Variants in HIVEP1 observed in about 807,000 individuals in gnomAD.
HIVEP1 encodes HIVEP zinc finger 1, also known as zinc finger protein 40.
A neutral mutation model predicts 180.0 loss-of-function variants in HIVEP1; 36 were observed. The ratio of observed to expected loss-of-function variants is 0.20; its 90% CI spans 0.15 to 0.26. The LOEUF is 0.26. HIVEP1 is among the 10% of genes least tolerant of loss of function. The probability of loss-of-function intolerance (pLI) is 1.00; values close to 1 mark genes in which losing one functional copy is unlikely to be tolerated. For synonymous variants in HIVEP1, 1,239 were observed against 1,239.0 expected (o/e 1.00, Z 0.00); for missense variants, 3,143 against 3,268.7 (o/e 0.96, Z 0.94).
In HIVEP1 at chr6:12,119,991, C is replaced by T. The variant is rs781420237; in HGVS notation, c.196C>T (p.Pro66Ser). The part of the protein sequence containing the change: ...ENHLKKIPKS[P>S]LRNPLQAKHK... ...TCACCTGAAAAAAATACCAAAATCC[C>T]CACTGAGAAATCCTCTTCAGGCAAA... The change falls in exon 4 of 9, where the codon CCA (proline) becomes TCA (serine). Residue 66 changes from proline to serine, a missense_variant. Pro to Ser is a moderately conservative substitution (Grantham distance 74, BLOSUM62 -1). This residue lies in a region of HIVEP1 where 114 missense variants were observed against 134.5 expected (regional missense o/e 0.85). Coordinates refer to ENST00000379388, the MANE Select transcript of HIVEP1 (RefSeq NM_002114.4). 6.2e-7 allele frequency: 1 copy of T among 1,612,782 alleles called. No individual in the cohort carries two copies. Among genetic ancestry groups the T allele is most frequent in the South Asian group, 1.1e-5 (1 of 90,700 alleles).
At chr6:12,125,968 T>G in intron 4 of HIVEP1, 98 bp downstream of exon 4, 1 of 716,470 alleles carries the variant, frequency 1.4e-6, no homozygotes, top group South Asian at 1.8e-5. Flanking sequence ...TATTTTAATT[T>G]TGAGTGACAA....
chr6:12,168,290 C>CATATATACATATATACAG (rs1443431794), downstream of HIVEP1, among the ~76,000 whole-genome samples: 8 of 68,766 alleles, frequency 1.2e-4, no homozygotes, highest in African/African-American at 3.3e-4. Flanking sequence ...ATATTATATA[C>CATATATACATATATACAG]ATATATACAT....
chr6:12,102,855 G>T (rs1490215253), intron 3 of HIVEP1, among the ~76,000 whole-genome samples: 1 of 152,006 alleles, frequency 6.6e-6, no homozygotes. Flanking sequence ...ACCCAGTGTT[G>T]TTATGTTGTC....
intron 2 of HIVEP1, among the ~76,000 whole-genome samples, chr6:12,042,554 TTCTC>T (rs1769844253): frequency 6.6e-6 from 1 of 151,588 alleles, no homozygotes; most frequent in African/African-American, 2.4e-5. Flanking sequence ...TTTACAGTGA[TTCTC>T]TCAATCTATA....
chr6:12,044,537 A>AC (rs1769991490), intron 2 of HIVEP1, among the ~76,000 whole-genome samples: 1 of 150,322 alleles, frequency 6.7e-6, no homozygotes, highest in African/African-American at 2.5e-5. Context: ...AAGCCAGTGC[A>AC]CCTGTGTACA....
intron 2 of HIVEP1, among the ~76,000 whole-genome samples, chr6:12,087,169 G>T (rs1295115191): frequency 6.6e-6 from 1 of 152,102 alleles, no homozygotes; most frequent in African/African-American, 2.4e-5. Context: ...AGATAAAAAG[G>T]TAACTTAGTT....
chr6:12,086,059 A>G (rs1265473089), intron 2 of HIVEP1, among the ~76,000 whole-genome samples: 1 of 152,148 alleles, frequency 6.6e-6, no homozygotes. Context: ...TATAGCCTTT[A>G]TCATTAACAG....
intron 2 of HIVEP1, among the ~76,000 whole-genome samples, chr6:12,070,045 C>T (rs1042127776): frequency 1.3e-5 from 2 of 152,122 alleles, no homozygotes; most frequent in African/African-American, 2.4e-5. Context: ...TCTTGTCCCA[C>T]GGAAGGTCTT....
At chr6:12,069,150 A>T (rs2113778186) in intron 2 of HIVEP1, among the ~76,000 whole-genome samples, 1 of 152,386 alleles carries the variant, frequency 6.6e-6, no homozygotes. Context: ...TAGATGGTAC[A>T]GCCAACTACA....
the HIVEP1 span, among the ~76,000 whole-genome samples, chr6:12,179,020 A>G: frequency 0.25 from 37,826 of 152,140 alleles, 5,159 homozygotes; most frequent in Non-Finnish European, 0.31. Flanking sequence ...TTAAAAATAT[A>G]GAAAGATATA....
the HIVEP1 span, among the ~76,000 whole-genome samples, chr6:12,203,494 A>C: frequency 6.6e-6 from 1 of 152,186 alleles, no homozygotes. Flanking sequence ...CTATGGAGTG[A>C]GTGAGTTTGC....
At chr6:12,028,728 A>T (rs1306990599) in intron 2 of HIVEP1, among the ~76,000 whole-genome samples, 5 of 152,220 alleles carry the variant, frequency 3.3e-5, no homozygotes, top group Admixed American at 3.3e-4. Context: ...ATTTACATGC[A>T]ATAAAATTCA....
chr6:12,076,217 T>G (rs1240577506), intron 2 of HIVEP1, among the ~76,000 whole-genome samples: 2 of 152,232 alleles, frequency 1.3e-5, no homozygotes, highest in African/African-American at 4.8e-5. Flanking sequence ...CAATATCAGA[T>G]TATATTTGAA....
At chr6:12,119,237 G>A (rs1446425354) in intron 3 of HIVEP1, among the ~76,000 whole-genome samples, 1 of 152,230 alleles carries the variant, frequency 6.6e-6, no homozygotes, top group Non-Finnish European at 1.5e-5. Context: ...ATGATTGTTG[G>A]AAAGGGAGGG....
chr6:12,169,948 G>A (rs1045439383), downstream of HIVEP1, among the ~76,000 whole-genome samples: 1 of 151,966 alleles, frequency 6.6e-6, no homozygotes, highest in African/African-American at 2.4e-5. Context: ...GCGAAACCCT[G>A]TCTCTACTAC....
At chr6:12,076,408 TAGTC>T (rs1362138635) in intron 2 of HIVEP1, among the ~76,000 whole-genome samples, 2 of 152,086 alleles carry the variant, frequency 1.3e-5, no homozygotes, top group Admixed American at 6.6e-5. Context: ...GATGCTGTTT[TAGTC>T]TGTTTGTGCT....
chr6:12,020,469 C>T, intron 2 of HIVEP1: 1 of 471,042 alleles, frequency 2.1e-6, no homozygotes, highest in South Asian at 1.5e-5. Context: ...ATTCCTTACT[C>T]ATCGCTGCTC....
At chr6:12,162,056 T>C (rs1645489547) in intron 8 of HIVEP1, 127 bp downstream of exon 8, 1 of 846,908 alleles carries the variant, frequency 1.2e-6, no homozygotes, top group African/African-American at 1.7e-5. Context: ...TTGTATAGCT[T>C]TATTTTTTTC....
At chr6:12,096,208 A>G (rs1204152584) in intron 3 of HIVEP1, among the ~76,000 whole-genome samples, 4 of 152,028 alleles carry the variant, frequency 2.6e-5, no homozygotes, top group African/African-American at 9.7e-5. Context: ...CACCATCTAT[A>G]TAAGAGTAAG....
Sources: allele counts gnomAD v4.1 joint callset (sites outside exome capture counted in the v4.1 genomes callset), GRCh38; gene constraint gnomAD v4.1.1; regional missense constraint gnomAD v4.1.1; transcripts MANE v1.5; gene names NCBI Gene and HGNC (gene_info 2026-07-23, HGNC 2026-07-21).